Variants in GPC3 observed in about 807,000 individuals in gnomAD.
GPC3 encodes the protein glypican 3, also known as glypican-3.
A neutral mutation model predicts 34.4 loss-of-function variants in GPC3; 3 were observed. That is an observed-to-expected ratio of 0.09 (90% confidence interval 0.04 to 0.23). The LOEUF (loss-of-function observed/expected upper bound fraction) is 0.23. Among genes scored for constraint, GPC3 ranks in the 10% least tolerant of loss-of-function variants. The pLI, the probability that GPC3 is intolerant of heterozygous loss-of-function variation, is 1.00. For synonymous variants in GPC3, 177 were observed against 174.0 expected, an observed-to-expected ratio of 1.02 and a Z score of -0.13; for missense variants, 351 against 445.6, an observed-to-expected ratio of 0.79 and a Z score of 1.91.
chrX:133,950,150 A>G (rs1410073606), intron 2 of GPC3, among the ~76,000 whole-genome samples: 1 of 112,233 alleles, frequency 8.9e-6, no homozygotes, highest in Non-Finnish European at 1.9e-5. Flanking sequence ...ACAAAAAGCA[A>G]TTGTGCTGCC....
rs182561938 is a variant in GPC3 at position 133,914,023 on chromosome X, C to A, written c.337+39027G>T. Among the ~76,000 whole-genome samples, 12 of 110,709 alleles carry A rather than the reference C, an allele frequency of 1.1e-4. No individual in the cohort carries two copies. In the East Asian group the frequency reaches 3.1e-3, roughly 29 times the overall value. ...ATTTTCAGTGAGTAAATAAATACCG[C>A]CCCACCCCAAAAGCAGAGAGGTTTT... On this transcript the variant is annotated intron_variant, in intron 2 of 7. Transcript: ENST00000370818.
At position 133,655,440 on chromosome X, in the gene GPC3, C is replaced by T. The variant is rs775601734; in HGVS notation, c.1413+6290G>A. Among the ~76,000 whole-genome samples the T allele has an allele frequency of 2.8e-5, 3 of 108,430 alleles. No individual in the cohort carries two copies. In the East Asian group the frequency reaches 8.8e-4, roughly 32 times the overall value. The allele number at this position is 108,430 out of a possible 115,157, so 94.2% of individuals were successfully genotyped here. On this transcript the variant is annotated intron_variant, in intron 6 of 7. Coordinates refer to ENST00000370818, the MANE Select transcript of GPC3 (RefSeq NM_004484.4). ...CTCAGAAGTCATTCATTGGCTTTTG[C>T]TAACATGTCTTGTAGGTACTCTGTC...
At chrX:133,763,356 T>C (rs1269318899) in intron 2 of GPC3, 1 of 547,398 alleles carries the variant, frequency 1.8e-6, no homozygotes, top group East Asian at 3.3e-5. Context: ...ACACGCGTGG[T>C]ACCATTTCCT....
At chrX:133,566,547 C>T (rs2069584615) in intron 7 of GPC3, among the ~76,000 whole-genome samples, 1 of 111,921 alleles carries the variant, frequency 8.9e-6, no homozygotes, top group African/African-American at 3.2e-5. Flanking sequence ...CTCCACCCTT[C>T]CAAAATCTTT....
chrX:133,750,502 T>C (rs1349491327), intron 3 of GPC3, among the ~76,000 whole-genome samples: 1 of 112,214 alleles, frequency 8.9e-6, no homozygotes, highest in Non-Finnish European at 1.9e-5. Flanking sequence ...TTGGACTAGC[T>C]AATCTCTCAC....
intron 1 of GPC3, among the ~76,000 whole-genome samples, chrX:133,955,547 A>T (rs1021200701): frequency 1.8e-5 from 2 of 111,565 alleles, no homozygotes; most frequent in Non-Finnish European, 3.8e-5. Flanking sequence ...AGTCTAACAT[A>T]CCTTCTATAT....
At chrX:133,594,579 C>A (rs2069892533) in intron 7 of GPC3, among the ~76,000 whole-genome samples, 1 of 111,151 alleles carries the variant, frequency 9.0e-6, no homozygotes, top group African/African-American at 3.3e-5. Flanking sequence ...CATGGATGAA[C>A]CTTGAGAAAA....
intron 7 of GPC3, among the ~76,000 whole-genome samples, chrX:133,559,053 T>C (rs1357925594): frequency 9.0e-6 from 1 of 111,416 alleles, no homozygotes; most frequent in Non-Finnish European, 1.9e-5. Context: ...ATGTAATTAA[T>C]TCATTAATTT....
chrX:133,693,928 G>A (rs1446242679), intron 4 of GPC3, among the ~76,000 whole-genome samples: 10 of 110,288 alleles, frequency 9.1e-5, no homozygotes, highest in Non-Finnish European at 1.3e-4. Context: ...CCAGGAGAGC[G>A]GTTGTTATAA....
intron 4 of GPC3, among the ~76,000 whole-genome samples, chrX:133,697,836 T>C (rs1603227800): frequency 8.9e-6 from 1 of 112,126 alleles, no homozygotes; most frequent in African/African-American, 3.2e-5. Context: ...GATTTTGGAC[T>C]AGGGGAGCTG....
At position 133,824,435 on chromosome X, in the gene GPC3, G is replaced by A. The variant is rs1454040480; in HGVS notation, c.338-70259C>T. 3.6e-5 allele frequency among the ~76,000 whole-genome samples: 4 copies of A among 111,479 alleles called. No homozygotes were observed. The East Asian group carries it at 1.1e-3, about 32-fold the overall frequency. On this transcript the variant is annotated intron_variant, in intron 2 of 7. Transcript: ENST00000370818. Reference sequence around the variant, plus strand: ...GTAGTTGTTACCAGACACTGGGGAGGAGAAAAGGGAGGAGACGAAGGGGGA... The same window carrying A: ...GTAGTTGTTACCAGACACTGGGGAGAAGAAAAGGGAGGAGACGAAGGGGGA...
intron 5 of GPC3, among the ~76,000 whole-genome samples, chrX:133,670,171 G>C (rs898071658): frequency 9.0e-6 from 1 of 111,609 alleles, no homozygotes; most frequent in Admixed American, 9.5e-5. Context: ...CAGCAATGTT[G>C]TAGTGGAGGG....
chrX:133,584,640 G>A (rs1483641717), intron 7 of GPC3, among the ~76,000 whole-genome samples: 5 of 111,161 alleles, frequency 4.5e-5, no homozygotes, highest in East Asian at 2.8e-4. Context: ...CACCATGCCC[G>A]TATAATTTTT....
intron 2 of GPC3, among the ~76,000 whole-genome samples, chrX:133,766,483 T>G (rs757493947): frequency 1.8e-5 from 2 of 112,136 alleles, no homozygotes; most frequent in African/African-American, 6.5e-5. Flanking sequence ...CTGGGACTCT[T>G]TTATAGCTTA....
rs538805261 is a variant in GPC3, at chrX:133,677,981, G to A, written c.1292+14388C>T. ...GATTTCCACCAAGAATAGGAAGAAG[G>A]TGAGAAGGCTTTAAACCTTGCAGGA... On this transcript the variant is annotated intron_variant, in intron 5 of 7. Coordinates refer to ENST00000370818, the MANE Select transcript of GPC3 (RefSeq NM_004484.4). Among the ~76,000 whole-genome samples the A allele has an allele frequency of 2.7e-5, 3 of 111,264 alleles. No homozygotes were observed. The South Asian group carries it at 1.2e-3, about 44-fold the overall frequency.
chrX:133,689,889 T>C (rs1158481511), intron 5 of GPC3, among the ~76,000 whole-genome samples: 2 of 112,477 alleles, frequency 1.8e-5, no homozygotes, highest in African/African-American at 3.2e-5. Context: ...ATCAAGTTTA[T>C]GTAAGAAGCA....
chrX:133,704,275 T>G, intron 3 of GPC3: 1 of 1,049,458 alleles, frequency 9.5e-7, no homozygotes, highest in Non-Finnish European at 1.3e-6. Flanking sequence ...CTCAGTTTCC[T>G]TGAAAAAAAA....
chrX:133,925,843 T>C (rs1234751416), intron 2 of GPC3, among the ~76,000 whole-genome samples: 1 of 111,670 alleles, frequency 9.0e-6, no homozygotes, highest in African/African-American at 3.3e-5. Flanking sequence ...AACAACCAAG[T>C]AGAAACCTAC....
chrX:133,797,414 G>A (rs2075587565), intron 2 of GPC3, among the ~76,000 whole-genome samples: 1 of 111,428 alleles, frequency 9.0e-6, no homozygotes, highest in Non-Finnish European at 1.9e-5. Context: ...CTGGTGTTGT[G>A]CCCACAAAAC....
Sources: gnomAD v4.1 joint callset for allele counts (sites outside exome capture counted in the v4.1 genomes callset) on GRCh38, gnomAD v4.1.1 for gene constraint, MANE v1.5 for transcripts, NCBI Gene and HGNC (gene_info 2026-07-23, HGNC 2026-07-21) for gene names.